The following REXO1 variants were observed in gnomAD, a reference collection of about 807,000 sequenced individuals.
REXO1 encodes RNA exonuclease 1 homolog, also known as REX1, RNA exonuclease 1 homolog.
REXO1 carries 42 observed loss-of-function variants against 102.6 expected under a neutral mutation model. That is an observed-to-expected ratio of 0.41 (90% CI 0.32 to 0.53). The LOEUF (loss-of-function observed/expected upper bound fraction) is 0.53, where lower values mean the gene tolerates loss of function less well. Among genes scored for constraint, REXO1 ranks in the 20% least tolerant of loss-of-function variants. The pLI, the probability that REXO1 is intolerant of heterozygous loss-of-function variation, is 0.27. For synonymous variants in REXO1, 908 were observed against 779.1 expected (o/e 1.17, Z -2.76); for missense variants, 1,819 against 1,732.5 (o/e 1.05, Z -0.89).
rs758588602 is a variant in REXO1, at chr19:1,827,753, C to T, written c.1036G>A (p.Val346Met). ...ETKETAVQCD[V>M]GDLQPPPAKP... ...GCTGGGGGCGGCTGGAGGTCCCCCA[C>T]GTCGCACTGCACGGCCGTCTCCTTG... The change falls in exon 2 of 16, where the codon GTG (valine) becomes ATG (methionine). Residue 346 changes from valine to methionine, a missense_variant. Transcript: ENST00000170168. 2 of 1,574,382 alleles carry T rather than the reference C, an allele frequency of 1.3e-6. No individual in the cohort carries two copies. The highest frequency in any genetic ancestry group is 1.4e-5 in the African/African-American group (1 of 73,358).
intron 4 of REXO1, 77 bp downstream of exon 4, chr19:1,823,495 C>G: frequency 9.3e-7 from 1 of 1,080,068 alleles, no homozygotes; most frequent in Non-Finnish European, 1.2e-6. Context: ...CAGGTGAGCT[C>G]AGAGACCTCA....
At chr19:1,822,243 A>G (rs1408154980) in intron 4 of REXO1, 2 of 215,748 alleles carry the variant, frequency 9.3e-6, no homozygotes, top group South Asian at 1.5e-4. Flanking sequence ...GGGAGCTGTG[A>G]GCAGGGACAT....
At chr19:1,823,314 CCA>C (rs2069605106) in intron 4 of REXO1, 1 of 389,206 alleles carries the variant, frequency 2.6e-6, no homozygotes, top group Admixed American at 4.5e-5. Flanking sequence ...CTGGTTCAGC[CCA>C]GTCCCCAGCA....
chr19:1,820,259 C>T lies in REXO1; in HGVS notation c.2526+5G>A. On this transcript the variant is annotated splice_donor_5th_base_variant and intron_variant, in intron 6 of 15. Coordinates refer to ENST00000170168, the MANE Select transcript of REXO1 (RefSeq NM_020695.4). ...ACCGGCCAGATAGGAACTCCAGGAC[C>T]TCACCTTCTCTATGGCCTCCTGGTT... is the stretch of plus-strand genomic sequence containing the variant. The T allele has an allele frequency of 6.2e-7, 1 of 1,611,758 alleles. No individual in the cohort carries two copies. The highest frequency in any genetic ancestry group is 8.5e-7 in the Non-Finnish European group (1 of 1,178,962).
chr19:1,836,262 G>A (rs1167830174), intron 1 of REXO1, among the ~76,000 whole-genome samples: 2 of 152,232 alleles, frequency 1.3e-5, no homozygotes, highest in African/African-American at 4.8e-5. Flanking sequence ...ACAAGATCAT[G>A]GAGCACGAAG....
intron 1 of REXO1, among the ~76,000 whole-genome samples, chr19:1,832,464 C>T (rs1051375265): frequency 3.3e-5 from 5 of 152,206 alleles, no homozygotes; most frequent in African/African-American, 9.6e-5. Context: ...GCAGGGACAG[C>T]GGGAGGCCGG....
rs1160472632 is a variant in REXO1 at position 1,827,114 on chromosome 19, C to G, written c.1675G>C (p.Gly559Arg). Residue 559 changes from glycine (G) to arginine (R), a missense_variant, in exon 2 of 16, where the codon GGC (glycine) becomes CGC (arginine). Physicochemically the swap from Gly to Arg is moderately radical, Grantham distance 125 (BLOSUM62 -2). Transcript: ENST00000170168. ...DSDSDSDSSL[G>R]FPEAQGPPKR... ...GGCGGCCCCTGCGCCTCCGGGAAGC[C>G]CAGGCTGGAGTCTGAGTCGGAGTCT... 6.5e-7 allele frequency: 1 copy of G among 1,542,226 alleles called. No homozygotes were observed. Among genetic ancestry groups the G allele is most frequent in the Admixed American group, 2.0e-5 (1 of 50,914 alleles).
intron 14 of REXO1, 38 bp from the exon 15 acceptor site, chr19:1,816,383 G>A (rs998551138): frequency 6.3e-7 from 1 of 1,598,040 alleles, no homozygotes; most frequent in Non-Finnish European, 8.5e-7. Flanking sequence ...CGTGGGGCCT[G>A]CGCAGGTCCT....
Position 1,816,325 on chromosome 19 carries a change from C to T in REXO1, c.3477G>A (p.Val1159=), listed in dbSNP as rs776209190. The T allele has an allele frequency of 3.1e-6, 5 of 1,589,886 alleles. No individual in the cohort carries two copies. The East Asian group carries it at 1.1e-4, about 36-fold the overall frequency. ...GGTGGGGGAAGAGCACAGACGTGTC[C>T]ACCACGGTGCTGTGGATGACCTGTG... ...LALKVIHSTV[V]DTSVLFPHRL... Residue 1159 remains valine, a synonymous_variant, in exon 15 of 16, where the codon GTG becomes GTA. Coordinates refer to ENST00000170168, the MANE Select transcript of REXO1 (RefSeq NM_020695.4).
chr19:1,828,044 T>C lies in REXO1; in HGVS notation c.745A>G (p.Ser249Gly), dbSNP rs1351822109. Residue 249 changes from serine to glycine, a missense_variant, in exon 2 of 16, where the codon AGC (serine) becomes GGC (glycine). Ser to Gly is a moderately conservative substitution (Grantham distance 56). Coordinates refer to ENST00000170168, the MANE Select transcript of REXO1 (RefSeq NM_020695.4). ...NYSARHLSRASSRDERAAKRP... is the reference protein window; with the variant it reads ...NYSARHLSRAGSRDERAAKRP... ...TTGGCGGCCCGCTCATCCCGGGAGC[T>C]GGCCCTGCTGAGGTGCCGGGCCGAG... 4 of 1,612,866 alleles carry C rather than the reference T, an allele frequency of 2.5e-6. No individual in the cohort carries two copies. Among genetic ancestry groups the C allele is most frequent in the Non-Finnish European group, 3.4e-6 (4 of 1,179,796 alleles).
At chr19:1,836,668 C>T (rs2145313927) in intron 1 of REXO1, among the ~76,000 whole-genome samples, 1 of 145,514 alleles carries the variant, frequency 6.9e-6, no homozygotes, top group South Asian at 2.2e-4. Flanking sequence ...ATCACTTGAA[C>T]CCGGGAGGCG....
chr19:1,847,291 GT>G (rs2011586513), intron 1 of REXO1, among the ~76,000 whole-genome samples: 1 of 152,222 alleles, frequency 6.6e-6, no homozygotes, highest in South Asian at 2.1e-4. Flanking sequence ...TAGAGAAGAT[GT>G]TTCTCTTTTG....
chr19:1,829,301 C>T (rs1421514771), intron 1 of REXO1, among the ~76,000 whole-genome samples: 6 of 151,940 alleles, frequency 3.9e-5, no homozygotes, highest in South Asian at 2.1e-4. Context: ...TATAGTGGTG[C>T]GATCTTGGCT....
chr19:1,828,689 G>A lies in REXO1; in HGVS notation c.158-58C>T, dbSNP rs577843651. The A allele has an allele frequency of 1.9e-4, 283 of 1,519,994 alleles. 1 individual carries two copies. Among genetic ancestry groups the A allele is most frequent in the Middle Eastern group, 1.6e-3 (9 of 5,630 alleles). 94.2% of individuals were successfully genotyped at this position (1,519,994 alleles called of 1,614,324 possible). Reference sequence around the variant, plus strand: ...CCTGCCGGAGAGGAGCCCGCAGCATGGGGGCGGCCCCGGTCTCAAACTGCA... The same window carrying A: ...CCTGCCGGAGAGGAGCCCGCAGCATAGGGGCGGCCCCGGTCTCAAACTGCA... On this transcript the variant is annotated intron_variant, in intron 1 of 15. Transcript: ENST00000170168.
At chr19:1,831,046 G>C (rs2069887170) in intron 1 of REXO1, among the ~76,000 whole-genome samples, 1 of 152,200 alleles carries the variant, frequency 6.6e-6, no homozygotes, top group South Asian at 2.1e-4. Flanking sequence ...CACAAACCCA[G>C]TGAGATCAGA....
rs1297525698 is a variant in REXO1, at chr19:1,830,949, C to T, written c.158-2318G>A. The stretch of plus-strand genomic sequence containing the variant: ...CACCTGTGGTTAAGGGGGAGGCGTG[C>T]GCCCTGGAGGGACCTCCAAGTCACA... On this transcript the variant is annotated intron_variant, in intron 1 of 15. Transcript: ENST00000170168. The T allele has an allele frequency of 3.9e-5, 6 of 153,160 alleles. No individual in the cohort carries two copies. In the South Asian group the frequency reaches 1.1e-3, roughly 29 times the overall value. 9.5% of individuals were successfully genotyped at this position (153,160 alleles called of 1,614,324 possible).
At chr19:1,845,181 A>G (rs2011481860) in intron 1 of REXO1, among the ~76,000 whole-genome samples, 1 of 152,194 alleles carries the variant, frequency 6.6e-6, no homozygotes, top group Non-Finnish European at 1.5e-5. Context: ...GGCTGCAGCC[A>G]AGGCCCAGGC....
In REXO1 at chr19:1,821,637, G is replaced by A. The variant is rs2069544846; in HGVS notation, c.2276C>T (p.Ser759Phe). 1 of 1,613,406 alleles carries A rather than the reference G, an allele frequency of 6.2e-7. No individual in the cohort carries two copies. Among genetic ancestry groups the A allele is most frequent in the African/African-American group, 1.3e-5 (1 of 75,026 alleles). The part of the protein sequence containing the change: ...KRTLAASGSQ[S>F]SNGPEPGGQQ... ...GCCACCTGGCTCAGGGCCGTTGGAG[G>A]ACTGGCTGCCGCTGGCCGCAAGGGT... Residue 759 changes from serine (S) to phenylalanine (F), a missense_variant, in exon 5 of 16, where the codon TCC (serine) becomes TTC (phenylalanine). Transcript: ENST00000170168.
In REXO1 at chr19:1,827,100, C is replaced by T. The variant is rs778141920; in HGVS notation, c.1689G>A (p.Ala563=). ...CCTTGAGCCGCTTGGGCGGCCCCTG[C>T]GCCTCCGGGAAGCCCAGGCTGGAGT... ...DSDSSLGFPE[A]QGPPKRLKAS... The change falls in exon 2 of 16, where the codon GCG becomes GCA. Residue 563 remains alanine (A), a synonymous_variant. Coordinates refer to ENST00000170168, the MANE Select transcript of REXO1 (RefSeq NM_020695.4). 119 of 1,541,154 alleles carry T rather than the reference C, an allele frequency of 7.7e-5. No homozygotes were observed. The highest frequency in any genetic ancestry group is 4.3e-4 in the South Asian group (36 of 83,862).
Sources: allele counts gnomAD v4.1 joint callset (sites outside exome capture counted in the v4.1 genomes callset), GRCh38; gene constraint gnomAD v4.1.1; transcripts MANE v1.5; gene names NCBI Gene and HGNC (gene_info 2026-07-23, HGNC 2026-07-21).